The following SLC10A4 variants were observed in gnomAD, a reference collection of about 807,000 sequenced individuals.
The protein encoded by SLC10A4 is putative sodium/bile acid cotransporter 4.
A neutral mutation model predicts 22.5 loss-of-function variants in SLC10A4; 17 were observed. That is an observed-to-expected ratio of 0.76 (90% confidence interval 0.52 to 1.14). SLC10A4 has a LOEUF of 1.14. SLC10A4 is among the 50% of genes most tolerant of loss of function. The pLI, the probability that SLC10A4 is intolerant of heterozygous loss-of-function variation, is 0.00. For missense variants in SLC10A4, 548 were observed against 584.0 expected (o/e 0.94, Z 0.64); for synonymous variants, 257 against 258.2 (o/e 1.00, Z 0.04).
rs1173135928 is a variant in SLC10A4 at position 48,483,629 on chromosome 4, C to G, written c.68C>G (p.Pro23Arg). 1 of 1,494,410 alleles carries G rather than the reference C, an allele frequency of 6.7e-7. No individual in the cohort carries two copies. Among genetic ancestry groups the G allele is most frequent in the Non-Finnish European group, 8.9e-7 (1 of 1,126,178 alleles). The allele number at this position is 1,494,410 out of a possible 1,614,324, so 92.6% of individuals were successfully genotyped here. Reference sequence around the variant, plus strand: ...CTGCGGGACAACTACACCCTGGCGCCCAATGCCAGCAGCCTGGGCCCCGGC... The same window carrying G: ...CTGCGGGACAACTACACCCTGGCGCGCAATGCCAGCAGCCTGGGCCCCGGC... Reference protein sequence around the residue: ...PLLRDNYTLAPNASSLGPGTD... With the variant: ...PLLRDNYTLARNASSLGPGTD... Residue 23 changes from proline to arginine, a missense_variant, in exon 1 of 3, where the codon CCC (proline) becomes CGC (arginine). By Grantham distance (103) the Pro-to-Arg change is moderately radical. Transcript: ENST00000273861. This position sits in a 1 kb window ranked among gnomAD's most constrained non-coding sequence, Gnocchi z 5.4.
chr4:48,485,198 C>A, intron 2 of SLC10A4, 56 bp downstream of exon 2: 1 of 1,543,478 alleles, frequency 6.5e-7, no homozygotes, highest in South Asian at 1.1e-5. Context: ...ATCTCTGACC[C>A]ACAGCAGAAA....
intron 2 of SLC10A4, among the ~76,000 whole-genome samples, chr4:48,487,138 G>A (rs1332162187): frequency 6.6e-6 from 1 of 152,150 alleles, no homozygotes; most frequent in African/African-American, 2.4e-5. Context: ...TTATTTGAAT[G>A]AGTGAAATGT....
chr4:48,484,191 A>T, intron 1 of SLC10A4, 40 bp downstream of exon 1: 1 of 1,503,336 alleles, frequency 6.7e-7, no homozygotes. Context: ...GTCTCATCCC[A>T]GACGCGCGTT....
intron 2 of SLC10A4, among the ~76,000 whole-genome samples, chr4:48,485,563 TA>T (rs1459177744): frequency 1.3e-5 from 2 of 152,262 alleles, no homozygotes; most frequent in African/African-American, 4.8e-5. Context: ...AATGGAACTC[TA>T]ATTCTGAGAA....
Position 48,488,962 on chromosome 4 carries a change from C to T in SLC10A4, c.*23C>T, listed in dbSNP as rs770922188. On this transcript the variant is annotated 3_prime_UTR_variant, in exon 3 of 3. Coordinates refer to ENST00000273861, the MANE Select transcript of SLC10A4 (RefSeq NM_152679.4). The stretch of plus-strand genomic sequence containing the variant: ...TAAATGTGGAGATACACAGGAGCTT[C>T]TATCTTGCTGAAATATTGCTTCATA... 1.3e-6 allele frequency: 2 copies of T among 1,549,374 alleles called. No homozygotes were observed. Among genetic ancestry groups the T allele is most frequent in the East Asian group, 2.2e-5 (1 of 44,508 alleles).
rs1452616746 is a variant in SLC10A4, at chr4:48,488,999, T to C, written c.*60T>C. ...AATATTGCTTCATATTTATAGCCTG[T>C]GGTAGTGCACATGGTTAACATAAAA... On this transcript the variant is annotated 3_prime_UTR_variant, in exon 3 of 3. Coordinates refer to ENST00000273861, the MANE Select transcript of SLC10A4 (RefSeq NM_152679.4). The C allele has an allele frequency of 6.6e-7, 1 of 1,505,692 alleles. No homozygotes were observed. The highest frequency in any genetic ancestry group is 1.4e-5 in the African/African-American group (1 of 71,334). 93.3% of individuals were successfully genotyped at this position (1,505,692 alleles called of 1,614,324 possible). A position where few individuals can be genotyped will look rare whatever the true frequency, so the allele number is the denominator to read the frequency against.
Position 48,483,664 on chromosome 4 carries a change from G to A in SLC10A4, c.103G>A (p.Ala35Thr), listed in dbSNP as rs1327126233. 2 of 1,484,158 alleles carry A rather than the reference G, an allele frequency of 1.3e-6. No homozygotes were observed. The highest frequency in any genetic ancestry group is 1.8e-6 in the Non-Finnish European group (2 of 1,122,446). 91.9% of individuals were successfully genotyped at this position (1,484,158 alleles called of 1,614,324 possible). ...CAGCCTGGGCCCCGGCACGGACCTC[G>A]CCCTCGCCCCTGCCTCCAGCGCCGG... ...ASSLGPGTDLALAPASSAGPG... is the reference protein window; with the variant it reads ...ASSLGPGTDLTLAPASSAGPG... Residue 35 changes from alanine to threonine, a missense_variant, in exon 1 of 3, where the codon GCC becomes ACC. Physicochemically the swap from Ala to Thr is moderately conservative, Grantham distance 58 (BLOSUM62 0). Around this residue, in one of 3 missense-constraint regions of SLC10A4, gnomAD observed 225 missense variants for 206.9 expected, o/e 1.09. Transcript: ENST00000273861. The surrounding 1 kb of genome is among the most constrained non-coding windows in gnomAD (Gnocchi z 5.4).
rs1176705800 is a variant in SLC10A4, at chr4:48,483,555, C to T, written c.-7C>T. 4 of 1,496,124 alleles carry T rather than the reference C, an allele frequency of 2.7e-6. No individual in the cohort carries two copies. The South Asian group carries it at 5.0e-5, about 19-fold the overall frequency. 92.7% of individuals were successfully genotyped at this position (1,496,124 alleles called of 1,614,324 possible). On this transcript the variant is annotated 5_prime_UTR_variant, in exon 1 of 3. Coordinates refer to ENST00000273861, the MANE Select transcript of SLC10A4 (RefSeq NM_152679.4). The surrounding 1 kb of genome is among the most constrained non-coding windows in gnomAD (Gnocchi z 5.4). ...AGGGGACCGGAATCCGCAGCTCCGG[C>T]CGCGCCATGGACGGCAACGACAACG...
intron 2 of SLC10A4, among the ~76,000 whole-genome samples, chr4:48,485,955 T>C (rs1718275453): frequency 6.6e-6 from 1 of 152,146 alleles, no homozygotes; most frequent in African/African-American, 2.4e-5. Context: ...TTTGCAAAAT[T>C]AAGCTGTCTT....
At position 48,488,568 on chromosome 4, in the gene SLC10A4, G is replaced by C. The variant is rs1435196771; in HGVS notation, c.943G>C (p.Gly315Arg). The change falls in exon 3 of 3, where the codon GGT (glycine) becomes CGT (arginine). Residue 315 changes from glycine to arginine, a missense_variant. Physicochemically the swap from Gly to Arg is moderately radical, Grantham distance 125. Coordinates refer to ENST00000273861, the MANE Select transcript of SLC10A4 (RefSeq NM_152679.4). ...IFMPLAGYAS[G>R]YGLATLFHLP... Reference sequence around the variant, plus strand: ...TATGCCTTTGGCAGGCTACGCTTCAGGTTATGGTTTAGCTACTCTCTTCCA... The same window carrying C: ...TATGCCTTTGGCAGGCTACGCTTCACGTTATGGTTTAGCTACTCTCTTCCA... The C allele has an allele frequency of 3.1e-6, 5 of 1,613,854 alleles. No homozygotes were observed. The highest frequency in any genetic ancestry group is 3.4e-6 in the Non-Finnish European group (4 of 1,180,030).
intron 2 of SLC10A4, among the ~76,000 whole-genome samples, chr4:48,486,065 C>T (rs1432653334): frequency 3.9e-5 from 6 of 152,140 alleles, no homozygotes; most frequent in Non-Finnish European, 8.8e-5. Context: ...CTGCAAAATG[C>T]ACAGGCAAAT....
chr4:48,486,713 T>C (rs765130033), intron 2 of SLC10A4, among the ~76,000 whole-genome samples: 1 of 152,142 alleles, frequency 6.6e-6, no homozygotes, highest in Non-Finnish European at 1.5e-5. Context: ...TAAGGGACTT[T>C]GGAGCCAATA....
At chr4:48,486,346 CATAG>C (rs574034827) in intron 2 of SLC10A4, among the ~76,000 whole-genome samples, 33 of 151,806 alleles carry the variant, frequency 2.2e-4, no homozygotes, top group East Asian at 7.7e-4. Context: ...AATATATACT[CATAG>C]ATACTCTTGA....
At chr4:48,488,159 C>T (rs1347213014) in intron 2 of SLC10A4, among the ~76,000 whole-genome samples, 1 of 150,276 alleles carries the variant, frequency 6.7e-6, no homozygotes, top group Non-Finnish European at 1.5e-5. Flanking sequence ...CTCTGTCGCT[C>T]CTGAGAGCCT....
In SLC10A4 at chr4:48,484,090, T is replaced by G; in HGVS notation, c.529T>G (p.Cys177Gly). The G allele has an allele frequency of 1.2e-6, 2 of 1,605,224 alleles. No homozygotes were observed. Among genetic ancestry groups the G allele is most frequent in the Non-Finnish European group, 1.7e-6 (2 of 1,177,564 alleles). Residue 177 changes from cysteine to glycine, a missense_variant, in exon 1 of 3, where the codon TGT becomes GGT. By Grantham distance (159) the Cys-to-Gly change is radical (BLOSUM62 -3). Around this residue, in one of 3 missense-constraint regions of SLC10A4, gnomAD observed 314 missense variants for 353.2 expected, o/e 0.89. Coordinates refer to ENST00000273861, the MANE Select transcript of SLC10A4 (RefSeq NM_152679.4). Reference sequence around the variant, plus strand: ...CGTGGCGGTGCTCCTGTGTGGCTGCTGTCCCGGCGGCAATCTCTCCAATCT... The same window carrying G: ...CGTGGCGGTGCTCCTGTGTGGCTGCGGTCCCGGCGGCAATCTCTCCAATCT... The part of the protein sequence containing the change: ...AAVAVLLCGC[C>G]PGGNLSNLMS...
Position 48,488,803 on chromosome 4 carries a change from G to A in SLC10A4, c.1178G>A (p.Arg393Gln), listed in dbSNP as rs1239873227. The stretch of plus-strand genomic sequence containing the variant: ...TATGGAAGTGAAATGTTGCACAAGC[G>A]AGATCCTCTAGATGAAGATGAAGAT... ...KMYGSEMLHK[R>Q]DPLDEDEDTD... The change falls in exon 3 of 3, where the codon CGA becomes CAA. Residue 393 changes from arginine to glutamine, a missense_variant. Transcript: ENST00000273861. 8 of 1,613,886 alleles carry A rather than the reference G, an allele frequency of 5.0e-6. No individual in the cohort carries two copies. The highest frequency in any genetic ancestry group is 2.2e-5 in the South Asian group (2 of 91,074).
Position 48,489,020 on chromosome 4 carries a change from TAA to T in SLC10A4, c.*84_*85del. Reference sequence around the variant, plus strand: ...CCTGTGGTAGTGCACATGGTTAACATAAAAGATAACACTGGTTCACATCATAC... The same window carrying T: ...CCTGTGGTAGTGCACATGGTTAACATAAGATAACACTGGTTCACATCATAC... On this transcript the variant is annotated 3_prime_UTR_variant, in exon 3 of 3. Transcript: ENST00000273861. The T allele has an allele frequency of 6.9e-7, 1 of 1,449,576 alleles. No individual in the cohort carries two copies. Among genetic ancestry groups the T allele is most frequent in the Non-Finnish European group, 9.3e-7 (1 of 1,077,410 alleles). 89.8% of individuals were successfully genotyped at this position (1,449,576 alleles called of 1,614,324 possible). A position where few individuals can be genotyped will look rare whatever the true frequency, so the allele number is the denominator to read the frequency against.
chr4:48,489,097 TTG>T lies in SLC10A4; in HGVS notation c.*160_*161del. The T allele has an allele frequency of 2.5e-6, 2 of 804,278 alleles. No homozygotes were observed. Among genetic ancestry groups the T allele is most frequent in the Non-Finnish European group, 3.7e-6 (2 of 534,962 alleles). The allele number at this position is 804,278 out of a possible 1,614,324, so 49.8% of individuals were successfully genotyped here. Reference sequence around the variant, plus strand: ...GGTTCACTGGTGTATTAACCAAACGTTGTCACAAATTACAAATCAATGCTGTA... The same window carrying T: ...GGTTCACTGGTGTATTAACCAAACGTTCACAAATTACAAATCAATGCTGTA... On this transcript the variant is annotated 3_prime_UTR_variant, in exon 3 of 3. Transcript: ENST00000273861.
chr4:48,488,659 C>T lies in SLC10A4; in HGVS notation c.1034C>T (p.Thr345Ile), dbSNP rs774279388. The T allele has an allele frequency of 6.2e-6, 10 of 1,613,970 alleles. No homozygotes were observed. The East Asian group carries it at 8.9e-5, about 14-fold the overall frequency. ...GGTAGTCAGAATGTGCAGCTCTGTA[C>T]AGCCATTCTAAAACTGGCCTTTCCA... is the stretch of plus-strand genomic sequence containing the variant. ...ETGSQNVQLC[T>I]AILKLAFPPQ... The change falls in exon 3 of 3, where the codon ACA becomes ATA. Residue 345 changes from threonine to isoleucine, a missense_variant. Around this residue, in one of 3 missense-constraint regions of SLC10A4, gnomAD observed 314 missense variants for 353.2 expected, o/e 0.89. Transcript: ENST00000273861.
Sources: allele counts gnomAD v4.1 joint callset (sites outside exome capture counted in the v4.1 genomes callset), GRCh38; gene constraint gnomAD v4.1.1; regional missense constraint gnomAD v4.1.1; non-coding constraint Gnocchi (gnomAD v3.1); transcripts MANE v1.5; gene names NCBI Gene and HGNC (gene_info 2026-07-23, HGNC 2026-07-21).